GSE1: variants seen among roughly 807,000 people sequenced by gnomAD.
GSE1 encodes the protein Gse1 coiled-coil protein, also known as genetic suppressor element 1.
In GSE1, 32 loss-of-function variants were observed where a neutral mutation model predicts 112.6. The ratio of observed to expected loss-of-function variants is 0.28; its 90% CI spans 0.21 to 0.38. The LOEUF is 0.38. Ranked by LOEUF, GSE1 falls within the 10% of genes least tolerant of loss-of-function variation. The pLI, the probability that GSE1 is intolerant of heterozygous loss-of-function variation, is 1.00. For missense variants in GSE1, 2,348 were observed against 1,699.2 expected, an observed-to-expected ratio of 1.38 and a Z score of -6.71; for synonymous variants, 1,115 against 735.6, an observed-to-expected ratio of 1.52 and a Z score of -8.35.
intron 1 of GSE1, among the ~76,000 whole-genome samples, chr16:85,573,702 G>C (rs966271442): frequency 4.6e-5 from 7 of 152,198 alleles, no homozygotes; most frequent in African/African-American, 1.7e-4. Context: ...ATCACAGTGG[G>C]CGCGTCCGGA....
chr16:85,248,414 C>T (rs1338851602), intron 1 of GSE1, among the ~76,000 whole-genome samples: 5 of 152,062 alleles, frequency 3.3e-5, no homozygotes, highest in Non-Finnish European at 7.4e-5. Flanking sequence ...TTTCCTCTGT[C>T]TCTTTTCTCT....
chr16:85,614,439 C>T (rs1189857220), intron 1 of GSE1, among the ~76,000 whole-genome samples: 2 of 152,236 alleles, frequency 1.3e-5, no homozygotes. Context: ...CTCCCCAGCG[C>T]CGGGTGGGGG....
chr16:85,220,315 A>G (rs2143740256), intron 1 of GSE1, among the ~76,000 whole-genome samples: 1 of 152,290 alleles, frequency 6.6e-6, no homozygotes, highest in African/African-American at 2.4e-5. Flanking sequence ...TCCTGGAGGA[A>G]TTACCGGACC....
intron 1 of GSE1, among the ~76,000 whole-genome samples, chr16:85,281,321 G>A (rs1369317677): frequency 6.6e-6 from 1 of 151,936 alleles, no homozygotes; most frequent in African/African-American, 2.4e-5. Context: ...CAGCACTCTG[G>A]ATGGTGACGT....
At chr16:85,214,454 T>G (rs1181098025) in intron 1 of GSE1, among the ~76,000 whole-genome samples, 1 of 152,048 alleles carries the variant, frequency 6.6e-6, no homozygotes, top group East Asian at 1.9e-4. Flanking sequence ...GACCAAGCGA[T>G]GCGCAGGATG....
In GSE1 at chr16:85,502,370, G is replaced by A. The variant is rs545820821; in HGVS notation, c.2465-131544G>A. 2.0e-4 allele frequency among the ~76,000 whole-genome samples: 31 copies of A among 152,302 alleles called. 1 individual carries two copies. In the South Asian group the frequency reaches 3.3e-3, roughly 16 times the overall value. ...CCCTGTGTGTGCCGCCCTGAGCACC[G>A]TCAGCTCATCTGCTCAGAAGGACAG... On this transcript the variant is annotated intron_variant, in intron 2 of 2. Transcript: ENST00000637419.
At chr16:85,465,944 G>T (rs1387271527) in intron 2 of GSE1, among the ~76,000 whole-genome samples, 1 of 152,254 alleles carries the variant, frequency 6.6e-6, no homozygotes, top group Non-Finnish European at 1.5e-5. Context: ...GATTAGTGGA[G>T]TCACATCCGA....
intron 1 of GSE1, among the ~76,000 whole-genome samples, chr16:85,616,718 G>A (rs796354414): frequency 3.3e-5 from 5 of 152,160 alleles, no homozygotes; most frequent in African/African-American, 7.2e-5. Flanking sequence ...CTCAGATCTC[G>A]GTGGCCTCAC....
At chr16:85,665,171 C>G in intron 12 of GSE1, 43 bp downstream of exon 12, 1 of 1,189,304 alleles carries the variant, frequency 8.4e-7, no homozygotes, top group Non-Finnish European at 1.3e-6. Context: ...CAGGACCATC[C>G]CATGGGCTGC....
chr16:85,233,222 C>T (rs1376721896), intron 1 of GSE1, among the ~76,000 whole-genome samples: 1 of 152,274 alleles, frequency 6.6e-6, no homozygotes, highest in Non-Finnish European at 1.5e-5. Context: ...GTCTACCCAG[C>T]CTCGTTTGTC....
rs1195780512 is a variant in GSE1, at chr16:85,426,991, TCA to T, written c.2464+69349_2464+69350del. On this transcript the variant is annotated intron_variant, in intron 2 of 2. Coordinates refer to the GSE1 transcript ENST00000637419. ...CTTACTGTTGAGTGACCTGGGGGCC[TCA>T]GTTTGCCTGCCTAGGAAATGGAGCT... Among the ~76,000 whole-genome samples the T allele has an allele frequency of 6.6e-5, 10 of 152,272 alleles. No homozygotes were observed. In the Middle Eastern group the frequency reaches 0.017, roughly 259 times the overall value.
chr16:85,249,953 C>T (rs1022893659), intron 1 of GSE1, among the ~76,000 whole-genome samples: 7 of 152,222 alleles, frequency 4.6e-5, no homozygotes, highest in Non-Finnish European at 7.3e-5. Context: ...CTCCATGCCT[C>T]GGTTTCCTTG....
chr16:85,212,150 A>T (rs563798821), intron 1 of GSE1, among the ~76,000 whole-genome samples: 1 of 152,346 alleles, frequency 6.6e-6, no homozygotes, highest in African/African-American at 2.4e-5. Context: ...TCATGCCTGG[A>T]ATCCCAGCAT....
chr16:85,268,196 C>T (rs561157620), intron 1 of GSE1, among the ~76,000 whole-genome samples: 6 of 151,678 alleles, frequency 4.0e-5, no homozygotes, highest in South Asian at 4.2e-4. Context: ...GGCCACAGCT[C>T]GTCTACTCTC....
intron 1 of GSE1, among the ~76,000 whole-genome samples, chr16:85,357,210 G>A (rs1334037335): frequency 6.6e-6 from 1 of 152,198 alleles, no homozygotes; most frequent in Non-Finnish European, 1.5e-5. Context: ...ATGGGGCTGT[G>A]TGGGTGGGAC....
chr16:85,335,154 A>G (rs1021977456), intron 1 of GSE1, among the ~76,000 whole-genome samples: 5 of 152,204 alleles, frequency 3.3e-5, no homozygotes, highest in Non-Finnish European at 5.9e-5. Context: ...TGATTTATTC[A>G]CAGCCCAGCC....
chr16:85,279,502 G>GC (rs1597270622), intron 1 of GSE1, among the ~76,000 whole-genome samples: 1 of 48,450 alleles, frequency 2.1e-5, no homozygotes, highest in Admixed American at 3.5e-4. Flanking sequence ...AGCCACTCAA[G>GC]GGGGGATCAC....
intron 2 of GSE1, among the ~76,000 whole-genome samples, chr16:85,539,066 C>G (rs1388394699): frequency 2.6e-5 from 4 of 152,224 alleles, no homozygotes; most frequent in African/African-American, 7.2e-5. Flanking sequence ...CTCACCTTCC[C>G]CTGCCTCCAC....
At chr16:85,375,790 C>A (rs1307776318) in intron 2 of GSE1, among the ~76,000 whole-genome samples, 3 of 152,234 alleles carry the variant, frequency 2.0e-5, no homozygotes, top group African/African-American at 7.2e-5. Flanking sequence ...GCCTCCAGTA[C>A]CCTGGCCCCT....
Sources: allele counts gnomAD v4.1 joint callset (sites outside exome capture counted in the v4.1 genomes callset), GRCh38; gene constraint gnomAD v4.1.1; transcripts MANE v1.5; gene names NCBI Gene and HGNC (gene_info 2026-07-23, HGNC 2026-07-21).